The following WWC2 variants were observed in gnomAD, a reference collection of about 807,000 sequenced individuals.
WWC2 encodes WW and C2 domain containing 2.
A neutral mutation model predicts 138.5 loss-of-function variants in WWC2; 101 were observed. The observed-to-expected ratio is 0.73, with a 90% CI of 0.62 to 0.86. The LOEUF is 0.86. WWC2 is among the 40% of genes least tolerant of loss of function. The pLI, the probability that WWC2 is intolerant of heterozygous loss-of-function variation, is 0.00. For missense variants in WWC2, 1,420 were observed against 1,419.4 expected (o/e 1.00, Z -0.01); for synonymous variants, 558 against 538.4 (o/e 1.04, Z -0.50).
chr4:183,101,905 A>C (rs974618744), intron 1 of WWC2, among the ~76,000 whole-genome samples: 3 of 152,200 alleles, frequency 2.0e-5, no homozygotes, highest in African/African-American at 2.4e-5. Context: ...TTTTTATGTT[A>C]TTCTGTTAAG....
intron 18 of WWC2, 25 bp from the exon 19 acceptor site, chr4:183,284,201 G>T: frequency 6.2e-7 from 1 of 1,607,312 alleles, no homozygotes. Flanking sequence ...TTCAGCTCCT[G>T]ACAAATTGTT....
chr4:183,200,362 A>G (rs1419070564), intron 2 of WWC2, among the ~76,000 whole-genome samples: 3 of 152,236 alleles, frequency 2.0e-5, no homozygotes, highest in Non-Finnish European at 4.4e-5. Flanking sequence ...TACATATCTT[A>G]TAATTATTAT....
At chr4:183,265,509 G>A (rs1181762578) in intron 12 of WWC2, among the ~76,000 whole-genome samples, 179 bp from the exon 13 acceptor site, 3 of 152,156 alleles carry the variant, frequency 2.0e-5, no homozygotes, top group Admixed American at 2.0e-4. Flanking sequence ...GCCCAGAGGC[G>A]GGCTCTTCTT....
At chr4:183,230,134 G>GT (rs1336005696) in intron 4 of WWC2, among the ~76,000 whole-genome samples, 2 of 151,862 alleles carry the variant, frequency 1.3e-5, no homozygotes, top group Admixed American at 6.6e-5. Flanking sequence ...GCCTCCTATT[G>GT]TTTTTTTAAG....
intron 21 of WWC2, among the ~76,000 whole-genome samples, chr4:183,300,745 G>T (rs1738809174): frequency 6.9e-6 from 1 of 145,858 alleles, no homozygotes; most frequent in Non-Finnish European, 1.5e-5. Context: ...GTGTTCCCTG[G>T]TCAGCTTTTT....
chr4:183,171,798 A>G (rs1199693151), intron 1 of WWC2, among the ~76,000 whole-genome samples: 2 of 152,046 alleles, frequency 1.3e-5, no homozygotes, highest in African/African-American at 4.8e-5. Flanking sequence ...AACTTTATCT[A>G]TCTATCTTGA....
chr4:183,139,604 T>G (rs1203727626), intron 1 of WWC2, among the ~76,000 whole-genome samples: 2 of 152,198 alleles, frequency 1.3e-5, no homozygotes, highest in Non-Finnish European at 2.9e-5. Context: ...TCTTGACAGA[T>G]GATGAATATG....
chr4:183,150,286 T>C (rs555267362), intron 1 of WWC2, among the ~76,000 whole-genome samples: 4 of 152,326 alleles, frequency 2.6e-5, no homozygotes, highest in African/African-American at 9.6e-5. Context: ...GTCCTATCGC[T>C]TGCCATTAGT....
At chr4:183,103,677 C>G (rs1268217774) in intron 1 of WWC2, among the ~76,000 whole-genome samples, 2 of 137,530 alleles carry the variant, frequency 1.5e-5, no homozygotes, top group African/African-American at 2.8e-5. Flanking sequence ...CTTGCTGTGT[C>G]GCCAGACTGG....
chr4:183,307,123 A>T (rs1024717525), intron 21 of WWC2, among the ~76,000 whole-genome samples: 1 of 152,228 alleles, frequency 6.6e-6, no homozygotes, highest in African/African-American at 2.4e-5. Context: ...CATAAGATAC[A>T]TATTTACACT....
At position 183,099,641 on chromosome 4, in the gene WWC2, G is replaced by A; in HGVS notation, c.131+19G>A. ...GGGACAGGTGGGCGCCGGCCGCGGG[G>A]GCGCGGGCCCGTTCGGACACGGCGG... On this transcript the variant is annotated intron_variant, in intron 1 of 22. Transcript: ENST00000403733. The A allele has an allele frequency of 7.7e-7, 1 of 1,302,466 alleles. No homozygotes were observed. The highest frequency in any genetic ancestry group is 9.9e-7 in the Non-Finnish European group (1 of 1,009,188). The allele number at this position is 1,302,466 out of a possible 1,614,324, so 80.7% of individuals were successfully genotyped here. A position where few individuals can be genotyped will look rare whatever the true frequency, so the allele number is the denominator to read the frequency against.
rs769359354 is a variant in WWC2 at position 183,319,605 on chromosome 4, T to C, written c.*3876T>C. On this transcript the variant is annotated 3_prime_UTR_variant, in exon 23 of 23. Transcript: ENST00000403733. ...CGTCTCCAGTTCTTGATGATGATCT[T>C]GTGTTTGTGCCACTGCGTAGTGGCC... The C allele has an allele frequency of 2.6e-5, 42 of 1,613,626 alleles. No homozygotes were observed. The highest frequency in any genetic ancestry group is 3.6e-5 in the Non-Finnish European group (42 of 1,179,882).
At position 183,320,262 on chromosome 4, in the gene WWC2, G is replaced by A. The variant is rs763430552; in HGVS notation, c.*4533G>A. ...TTAGCCAAACTAACTCCTGCCCTTC[G>A]GTTGCTGTGAAAAGAAGTGTGACAC... On this transcript the variant is annotated 3_prime_UTR_variant, in exon 23 of 23. Coordinates refer to ENST00000403733, the MANE Select transcript of WWC2 (RefSeq NM_024949.6). The A allele has an allele frequency of 2.6e-6, 4 of 1,540,948 alleles. No homozygotes were observed. Among genetic ancestry groups the A allele is most frequent in the African/African-American group, 1.4e-5 (1 of 72,412 alleles).
At chr4:183,236,132 C>T (rs1736417032) in intron 4 of WWC2, among the ~76,000 whole-genome samples, 2 of 152,080 alleles carry the variant, frequency 1.3e-5, no homozygotes, top group South Asian at 2.1e-4. Context: ...AGTATATGTT[C>T]TTGGCACCAT....
At chr4:183,262,041 T>A (rs1225502519) in intron 11 of WWC2, among the ~76,000 whole-genome samples, 1 of 152,180 alleles carries the variant, frequency 6.6e-6, no homozygotes, top group East Asian at 1.9e-4. Context: ...CAGGTTGCAG[T>A]GTATGGTATT....
chr4:183,100,697 TCA>T (rs1452703631), intron 1 of WWC2, among the ~76,000 whole-genome samples: 1 of 152,228 alleles, frequency 6.6e-6, no homozygotes, highest in African/African-American at 2.4e-5. Flanking sequence ...CTTTATAATC[TCA>T]GTTACTTTTG....
chr4:183,315,335 CTTCTGCTACCTAG>C (rs1739399523), intron 22 of WWC2, among the ~76,000 whole-genome samples: 1 of 152,122 alleles, frequency 6.6e-6, no homozygotes, highest in Admixed American at 6.5e-5. Context: ...CCTTTTGAGT[CTTCTGCTACCTAG>C]TTCGGAAACA....
chr4:183,250,642 A>T (rs976441056), intron 8 of WWC2, among the ~76,000 whole-genome samples: 7 of 152,154 alleles, frequency 4.6e-5, no homozygotes, highest in African/African-American at 1.4e-4. Context: ...TATCTAGTAG[A>T]TAGACTCAAA....
chr4:183,315,692 AG>A lies in WWC2; in HGVS notation c.3543del (p.Ile1182Ter), dbSNP rs1260888743. 1 of 1,613,568 alleles carries A rather than the reference AG, an allele frequency of 6.2e-7. No individual in the cohort carries two copies. The highest frequency in any genetic ancestry group is 8.5e-7 in the Non-Finnish European group (1 of 1,179,688). ...REKIAYFTRA[K>X]ISIPSLPADD... ...AAGATTGCCTACTTCACCAGAGCAA[AG>A]ATAAGCATCCCATCCCTGCCAGCTG... On this transcript the variant is annotated frameshift_variant, in exon 23 of 23. Transcript: ENST00000403733. LOFTEE classifies it high-confidence loss of function.
Sources: gnomAD v4.1 joint callset for allele counts (sites outside exome capture counted in the v4.1 genomes callset) on GRCh38, gnomAD v4.1.1 for gene constraint, MANE v1.5 for transcripts, NCBI Gene and HGNC (gene_info 2026-07-23, HGNC 2026-07-21) for gene names.